The following PINLYP variants were observed in gnomAD, a reference collection of about 807,000 sequenced individuals.
PINLYP encodes phospholipase A2 inhibitor and Ly6/PLAUR domain-containing protein.
Under a neutral mutation model 15.8 loss-of-function variants are expected in PINLYP, and 12 were observed. That is an observed-to-expected ratio of 0.76 (90% CI 0.49 to 1.23). The LOEUF (loss-of-function observed/expected upper bound fraction) is 1.23. PINLYP is among the 50% of genes most tolerant of loss of function. PINLYP has a pLI of 0.00. For synonymous variants in PINLYP, 93 were observed against 97.7 expected, an observed-to-expected ratio of 0.95 and a Z score of 0.28; for missense variants, 278 against 264.2, an observed-to-expected ratio of 1.05 and a Z score of -0.36.
At chr19:43,577,873 T>G (rs1972885119) in intron 2 of PINLYP, among the ~76,000 whole-genome samples, 1 of 151,960 alleles carries the variant, frequency 6.6e-6, no homozygotes, top group Non-Finnish European at 1.5e-5. Flanking sequence ...GCCACTGCAC[T>G]CCCCAGCCTG....
At chr19:43,578,833 G>A (rs750226168) in intron 3 of PINLYP, 127 bp downstream of exon 3, 4 of 697,342 alleles carry the variant, frequency 5.7e-6, no homozygotes, top group African/African-American at 1.8e-5. Context: ...TCAGTGGAGA[G>A]CAGGAAAGAG....
chr19:43,579,029 G>A (rs1157122285), intron 3 of PINLYP: 2 of 296,282 alleles, frequency 6.8e-6, no homozygotes, highest in Non-Finnish European at 1.3e-5. Context: ...GAAATAGTGA[G>A]AGGGGAAGAA....
exon 5 of PINLYP, chr19:43,581,700 G>A: frequency 6.5e-7 from 1 of 1,536,266 alleles, no homozygotes; most frequent in Non-Finnish European, 8.7e-7. Flanking sequence ...ACACGTGCAG[G>A]CTGGTGAGTG....
chr19:43,575,707 T>C, upstream of PINLYP: 1 of 393,004 alleles, frequency 2.5e-6, no homozygotes, highest in Non-Finnish European at 4.6e-6. Context: ...CCCGCCTCCC[T>C]CCGCCACACA....
At chr19:43,581,403 C>T in intron 4 of PINLYP, 39 bp downstream of exon 4, 1 of 1,534,724 alleles carries the variant, frequency 6.5e-7, no homozygotes, top group Non-Finnish European at 8.7e-7. Context: ...CTCTGGCTCT[C>T]CACTGACCCT....
intron 3 of PINLYP, 139 bp from the exon 4 acceptor site, chr19:43,581,068 TAAGAA>T (rs1972924903): frequency 5.9e-6 from 6 of 1,019,314 alleles, no homozygotes; most frequent in Non-Finnish European, 8.2e-6. Context: ...CTAAAAAAAA[TAAGAA>T]AAGAAAGAAA....
intron 4 of PINLYP, 76 bp downstream of exon 4, chr19:43,581,440 C>G: frequency 1.3e-6 from 2 of 1,520,926 alleles, no homozygotes; most frequent in Non-Finnish European, 1.8e-6. Context: ...TGGCTCTGAG[C>G]CTGTTTCCTT....
chr19:43,576,368 CGCGCACGCGCGA>C (rs1039302249), exon 1 of PINLYP, among the ~76,000 whole-genome samples: 1 of 152,008 alleles, frequency 6.6e-6, no homozygotes, highest in African/African-American at 2.4e-5. Context: ...CATACGCGCG[CGCGCACGCGCGA>C]AAAAAATTAG....
chr19:43,577,248 C>T lies in PINLYP; in HGVS notation c.57C>T (p.Thr19=), dbSNP rs1310857614. 12 of 1,535,770 alleles carry T rather than the reference C, an allele frequency of 7.8e-6. No homozygotes were observed. The African/African-American group carries it at 1.2e-4, about 16-fold the overall frequency. Residue 19 remains threonine (T), a synonymous_variant, in exon 2 of 6, where the codon ACC becomes ACT. Coordinates refer to ENST00000599207, the Ensembl canonical transcript of PINLYP. ...TGCTGGCCTTTGTGTTGCTCTGCAC[C>T]CTCCTGGGTCTTGGTAAGTGACAAG...
chr19:43,576,942 T>G, intron 1 of PINLYP, 23 bp downstream of exon 1: 1 of 536,076 alleles, frequency 1.9e-6, no homozygotes, highest in Non-Finnish European at 3.2e-6. Flanking sequence ...GGTGGTGACT[T>G]TCTGGGTTCT....
At chr19:43,578,597 A>T in exon 3 of PINLYP, 1 of 1,535,492 alleles carries the variant, frequency 6.5e-7, no homozygotes, top group Non-Finnish European at 8.7e-7. Flanking sequence ...CAGGGTGCCC[A>T]CTACACTGCG....
chr19:43,575,584 G>A, upstream of PINLYP: 1 of 1,054,532 alleles, frequency 9.5e-7, no homozygotes, highest in South Asian at 1.8e-5. Context: ...GCGAGGCTCG[G>A]GCCTTTCAAA....
At chr19:43,578,367 T>A (rs1426626298) in intron 2 of PINLYP, among the ~76,000 whole-genome samples, 1 of 152,184 alleles carries the variant, frequency 6.6e-6, no homozygotes, top group South Asian at 2.1e-4. Context: ...ACAGGCTTCA[T>A]GGTGGAGTCG....
At chr19:43,577,006 G>A (rs900847616) in intron 1 of PINLYP, 87 bp downstream of exon 1, 4 of 1,102,522 alleles carry the variant, frequency 3.6e-6, no homozygotes, top group Non-Finnish European at 3.8e-6. Context: ...GGAGGTGGGG[G>A]GCTGGGCACA....
exon 1 of PINLYP, among the ~76,000 whole-genome samples, chr19:43,576,494 A>C (rs553583248): frequency 1.2e-4 from 18 of 151,114 alleles, no homozygotes; most frequent in Admixed American, 6.6e-4. Context: ...ACACACACAC[A>C]CCCCTATCCT....
intron 3 of PINLYP, 128 bp from the exon 4 acceptor site, chr19:43,581,084 A>G (rs1972925281): frequency 9.1e-7 from 1 of 1,104,346 alleles, no homozygotes; most frequent in South Asian, 1.8e-5. Flanking sequence ...AAGAAAGAAA[A>G]AAAAGAAAGA....
Position 43,581,031 on chromosome 19 carries a change from A to G in PINLYP, c.188-181A>G, listed in dbSNP as rs1357618075. On this transcript the variant is annotated intron_variant, in intron 3 of 5. Transcript: ENST00000599207. ...GGTTGCAGTGAGCCAAGATCGCGCC[A>G]TTGCACTCCAGCCTGGGCAACTCCG... The G allele has an allele frequency of 2.0e-5, 14 of 714,284 alleles. No individual in the cohort carries two copies. The Admixed American group carries it at 2.8e-4, about 14-fold the overall frequency. The allele number at this position is 714,284 out of a possible 1,614,324, so 44.2% of individuals were successfully genotyped here. A position where few individuals can be genotyped will look rare whatever the true frequency, so the allele number is the denominator to read the frequency against.
In PINLYP at chr19:43,580,633, G is replaced by A. The variant is rs1427223812; in HGVS notation, c.188-579G>A. ...AGAGAGGGGTGGCCGTGGGTGGGGT[G>A]GGGTGGGGTGGAAGGGACCACATCC... is the stretch of plus-strand genomic sequence containing the variant. On this transcript the variant is annotated intron_variant, in intron 3 of 5. Coordinates refer to ENST00000599207, the Ensembl canonical transcript of PINLYP. 1.7e-5 allele frequency: 17 copies of A among 983,982 alleles called. No individual in the cohort carries two copies. In the African/African-American group the frequency reaches 1.9e-4, roughly 11 times the overall value. The allele number at this position is 983,982 out of a possible 1,614,324, so 61.0% of individuals were successfully genotyped here.
chr19:43,575,646 T>C (rs2146077759), upstream of PINLYP: 3 of 479,412 alleles, frequency 6.3e-6, no homozygotes, highest in South Asian at 3.4e-5. Context: ...GTCGCGCCTC[T>C]CCAGAGCGGG....
Sources: allele counts gnomAD v4.1 joint callset (sites outside exome capture counted in the v4.1 genomes callset), GRCh38; gene constraint gnomAD v4.1.1; transcripts MANE v1.5; gene names NCBI Gene and HGNC (gene_info 2026-07-23, HGNC 2026-07-21).